The following ROBO1 variants were observed in gnomAD, a reference collection of about 807,000 sequenced individuals.
The protein encoded by ROBO1 is roundabout homolog 1.
ROBO1 carries 149 observed loss-of-function variants against 195.9 expected under a neutral mutation model. That is an observed-to-expected ratio of 0.76 (90% CI 0.67 to 0.87). The LOEUF is 0.87. Ranked by LOEUF, ROBO1 falls within the 40% of genes least tolerant of loss-of-function variation. The pLI is 0.00. For synonymous variants in ROBO1, 816 were observed against 733.2 expected, an observed-to-expected ratio of 1.11 and a Z score of -1.82; for missense variants, 1,933 against 2,068.3, an observed-to-expected ratio of 0.93 and a Z score of 1.27.
chr3:78,842,222 CATAT>C (rs34747412), intron 4 of ROBO1, among the ~76,000 whole-genome samples: 1 of 55,642 alleles, frequency 1.8e-5, no homozygotes, highest in Non-Finnish European at 3.4e-5. Context: ...ATATATGAGC[CATAT>C]ATATATTTAT....
intron 2 of ROBO1, among the ~76,000 whole-genome samples, chr3:79,275,524 A>C (rs796530167): frequency 1.3e-5 from 2 of 151,992 alleles, no homozygotes; most frequent in South Asian, 4.1e-4. Context: ...AGCTGGTATC[A>C]TATAGAATGG....
At chr3:79,595,129 A>G (rs1452347638) in intron 1 of ROBO1, among the ~76,000 whole-genome samples, 3 of 151,916 alleles carry the variant, frequency 2.0e-5, no homozygotes, top group African/African-American at 7.2e-5. Flanking sequence ...GCACATATGC[A>G]CACATATGCA....
At chr3:79,687,186 C>G (rs1182648770) in intron 1 of ROBO1, among the ~76,000 whole-genome samples, 1 of 152,184 alleles carries the variant, frequency 6.6e-6, no homozygotes, top group African/African-American at 2.4e-5. Flanking sequence ...GAAGCTGCGT[C>G]CCTTCTTTAC....
chr3:79,353,186 T>G (rs2035412147), intron 2 of ROBO1, among the ~76,000 whole-genome samples: 1 of 152,120 alleles, frequency 6.6e-6, no homozygotes, highest in Non-Finnish European at 1.5e-5. Flanking sequence ...TTATTCAATC[T>G]CAAAATGTTT....
At chr3:79,314,464 T>C (rs1487654947) in intron 2 of ROBO1, among the ~76,000 whole-genome samples, 1 of 152,208 alleles carries the variant, frequency 6.6e-6, no homozygotes, top group African/African-American at 2.4e-5. Flanking sequence ...CACTTCTCTT[T>C]GCTGCCGCAT....
At chr3:79,538,570 C>T (rs1276286462) in intron 2 of ROBO1, among the ~76,000 whole-genome samples, 1 of 152,054 alleles carries the variant, frequency 6.6e-6, no homozygotes, top group African/African-American at 2.4e-5. Flanking sequence ...TTACCTGCAA[C>T]CGAAAAGGTA....
At chr3:78,776,871 T>G (rs1311462739) in intron 4 of ROBO1, among the ~76,000 whole-genome samples, 1 of 152,160 alleles carries the variant, frequency 6.6e-6, no homozygotes, top group Non-Finnish European at 1.5e-5. Flanking sequence ...GACAAATAAT[T>G]AAAACTTTAT....
intron 5 of ROBO1, among the ~76,000 whole-genome samples, chr3:78,727,383 C>T (rs1057382798): frequency 3.9e-5 from 6 of 152,046 alleles, no homozygotes; most frequent in Non-Finnish European, 7.4e-5. Flanking sequence ...TCCCAGCACT[C>T]TGGGAGGCCG....
rs1301342748 is a variant in ROBO1, at chr3:79,006,778, AG to A, written c.173-67852del. On this transcript the variant is annotated intron_variant, in intron 3 of 30. Coordinates refer to ENST00000464233, the MANE Select transcript of ROBO1 (RefSeq NM_002941.4). ...ATCGGAAAAAAAAAAAAAAAAAAAC[AG>A]ACTCTCATAAGTTTTATTGTGAGAC... Among the ~76,000 whole-genome samples the A allele has an allele frequency of 5.2e-4, 62 of 119,936 alleles. 1 individual carries two copies. The East Asian group carries it at 0.015, about 29-fold the overall frequency. 78.7% of individuals were successfully genotyped at this position (119,936 alleles called of 152,430 possible).
At chr3:79,344,252 T>G (rs2035022565) in intron 2 of ROBO1, among the ~76,000 whole-genome samples, 1 of 152,166 alleles carries the variant, frequency 6.6e-6, no homozygotes, top group Non-Finnish European at 1.5e-5. Context: ...CAAGGTGATT[T>G]TGTCTTTTGG....
chr3:79,612,897 A>G (rs976557647), intron 1 of ROBO1, among the ~76,000 whole-genome samples: 17 of 284 alleles, frequency 0.06, no homozygotes, highest in African/African-American at 0.15. Context: ...GTACTTGCAC[A>G]TTGTTTTGCA....
chr3:79,450,277 G>T (rs1486996355), intron 2 of ROBO1, among the ~76,000 whole-genome samples: 1 of 151,826 alleles, frequency 6.6e-6, no homozygotes, highest in East Asian at 1.9e-4. Flanking sequence ...CTGTAAATCT[G>T]GGGAGAATGT....
At chr3:79,182,195 A>G (rs1354299242) in intron 2 of ROBO1, among the ~76,000 whole-genome samples, 1 of 152,148 alleles carries the variant, frequency 6.6e-6, no homozygotes, top group Non-Finnish European at 1.5e-5. Flanking sequence ...AGAATTGTAG[A>G]CAAATTGCTC....
At chr3:78,790,734 T>C (rs1037652668) in intron 4 of ROBO1, among the ~76,000 whole-genome samples, 3 of 152,204 alleles carry the variant, frequency 2.0e-5, no homozygotes, top group African/African-American at 7.2e-5. Flanking sequence ...GACTTGTCCA[T>C]TCTCCAAGTC....
intron 1 of ROBO1, among the ~76,000 whole-genome samples, chr3:79,669,102 C>A (rs1038108809): frequency 6.6e-6 from 1 of 151,806 alleles, no homozygotes; most frequent in Admixed American, 6.6e-5. Flanking sequence ...ATAATTTCTA[C>A]GTGTTGTGGG....
intron 4 of ROBO1, among the ~76,000 whole-genome samples, chr3:78,928,872 A>G (rs1394741807): frequency 6.6e-6 from 1 of 152,178 alleles, no homozygotes; most frequent in African/African-American, 2.4e-5. Context: ...CTGAGATGAA[A>G]ATCTGATAAA....
At chr3:78,598,999 AT>A in intron 30 of ROBO1, 72 bp from the exon 31 acceptor site, 1 of 823,516 alleles carries the variant, frequency 1.2e-6, no homozygotes, top group Non-Finnish European at 1.9e-6. Flanking sequence ...ATTTATATGC[AT>A]TTATTATTAT....
At chr3:79,534,700 G>C (rs1280634675) in intron 2 of ROBO1, among the ~76,000 whole-genome samples, 2 of 152,042 alleles carry the variant, frequency 1.3e-5, no homozygotes, top group African/African-American at 4.8e-5. Context: ...CTCAGCCTCC[G>C]GGGCTGTTGT....
At chr3:78,664,788 C>T (rs1264966558) in intron 14 of ROBO1, among the ~76,000 whole-genome samples, 2 of 152,150 alleles carry the variant, frequency 1.3e-5, no homozygotes, top group Non-Finnish European at 2.9e-5. Flanking sequence ...TTTCCTCACC[C>T]CTCATTTTTC....
Sources: gnomAD v4.1 joint callset for allele counts (sites outside exome capture counted in the v4.1 genomes callset) on GRCh38, gnomAD v4.1.1 for gene constraint, MANE v1.5 for transcripts, NCBI Gene and HGNC (gene_info 2026-07-23, HGNC 2026-07-21) for gene names.